NAALADL2: variants seen among roughly 807,000 people sequenced by gnomAD.
NAALADL2 encodes the protein N-acetylated alpha-linked acidic dipeptidase like 2, also known as inactive N-acetylated-alpha-linked acidic dipeptidase-like protein 2.
Under a neutral mutation model 87.2 loss-of-function variants are expected in NAALADL2, and 76 were observed. That is an observed-to-expected ratio of 0.87 (90% CI 0.72 to 1.05). The LOEUF is 1.05. Ranked by LOEUF, NAALADL2 falls within the 50% of genes least tolerant of loss-of-function variation. The probability of loss-of-function intolerance (pLI) is 0.00; values close to 1 mark genes in which losing one functional copy is unlikely to be tolerated. For missense variants in NAALADL2, 1,089 were observed against 945.8 expected (o/e 1.15, Z -1.99); for synonymous variants, 354 against 331.0 (o/e 1.07, Z -0.75).
intron 5 of NAALADL2, among the ~76,000 whole-genome samples, chr3:175,369,096 CTAA>C (rs1766093042): frequency 6.6e-6 from 1 of 152,136 alleles, no homozygotes; most frequent in African/African-American, 2.4e-5. Context: ...AGTAATTGCA[CTAA>C]TGTCACAATG....
At chr3:175,689,058 T>A (rs1736692711) in intron 11 of NAALADL2, among the ~76,000 whole-genome samples, 1 of 152,200 alleles carries the variant, frequency 6.6e-6, no homozygotes, top group Admixed American at 6.6e-5. Context: ...TTTGTGTTTG[T>A]TTTTTTAGAT....
At chr3:175,312,254 A>G (rs1445671172) in intron 4 of NAALADL2, among the ~76,000 whole-genome samples, 2 of 152,294 alleles carry the variant, frequency 1.3e-5, no homozygotes, top group South Asian at 2.1e-4. Flanking sequence ...CGTGTCCAGT[A>G]TTTTTATTTT....
chr3:175,035,621 T>C (rs1560500305), intron 1 of NAALADL2, among the ~76,000 whole-genome samples: 1 of 151,108 alleles, frequency 6.6e-6, no homozygotes, highest in South Asian at 2.1e-4. Context: ...GATATAGCAA[T>C]GAATATATAA....
chr3:175,538,939 G>A (rs917836752), intron 9 of NAALADL2, among the ~76,000 whole-genome samples: 8 of 152,156 alleles, frequency 5.3e-5, no homozygotes, highest in African/African-American at 1.7e-4. Context: ...AAAGGCAAGA[G>A]CAGGCAGAAA....
At chr3:175,077,338 G>A (rs947233807) in intron 1 of NAALADL2, among the ~76,000 whole-genome samples, 8 of 152,148 alleles carry the variant, frequency 5.3e-5, no homozygotes, top group Non-Finnish European at 8.8e-5. Context: ...GTTCTAGTCT[G>A]TGAAAGGAAA....
intron 2 of NAALADL2, among the ~76,000 whole-genome samples, chr3:175,162,862 A>T (rs187605309): frequency 4.6e-5 from 7 of 152,110 alleles, no homozygotes; most frequent in African/African-American, 1.7e-4. Flanking sequence ...TTTGAATCAA[A>T]TATTTGTGTT....
intron 1 of NAALADL2, among the ~76,000 whole-genome samples, chr3:175,070,019 G>A (rs906309627): frequency 6.8e-6 from 1 of 146,550 alleles, no homozygotes; most frequent in African/African-American, 2.5e-5. Context: ...TTGTGGGGTA[G>A]GGGGAGGGGG....
rs559052205 is a variant in NAALADL2 at position 175,534,938 on chromosome 3, G to A, written c.1654-41103G>A. Reference sequence around the variant, plus strand: ...AAAGAACATATCCTTTAAGGGCTTCGTCCATACAACGAGACCTACTTGTTC... The same window carrying A: ...AAAGAACATATCCTTTAAGGGCTTCATCCATACAACGAGACCTACTTGTTC... On this transcript the variant is annotated intron_variant, in intron 9 of 13. Transcript: ENST00000454872. 1.9e-4 allele frequency among the ~76,000 whole-genome samples: 28 copies of A among 151,032 alleles called. 1 individual carries two copies. The East Asian group carries it at 1.9e-3, about 11-fold the overall frequency.
chr3:175,092,923 A>G (rs896121447), intron 1 of NAALADL2, among the ~76,000 whole-genome samples: 1 of 151,918 alleles, frequency 6.6e-6, no homozygotes, highest in Non-Finnish European at 1.5e-5. Context: ...TATAAAACAG[A>G]CCATGTGGCA....
At chr3:174,783,611 G>T (rs1465949474) in intron 3 of NAALADL2, among the ~76,000 whole-genome samples, 1 of 151,946 alleles carries the variant, frequency 6.6e-6, no homozygotes, top group Non-Finnish European at 1.5e-5. Context: ...TCTCCACAAG[G>T]CTTTAATATA....
At chr3:175,206,921 T>A (rs1471306) in intron 2 of NAALADL2, among the ~76,000 whole-genome samples, 104,093 of 151,952 alleles carry the variant, frequency 0.69, 36,620 homozygotes, top group African/African-American at 0.83. Flanking sequence ...CTCATGATTA[T>A]TGAGAGGACA....
chr3:175,466,166 A>T (rs895066205), intron 7 of NAALADL2, among the ~76,000 whole-genome samples: 1 of 152,176 alleles, frequency 6.6e-6, no homozygotes, highest in African/African-American at 2.4e-5. Context: ...CTGGTAAAAA[A>T]ATGATATTCA....
chr3:175,186,323 G>T (rs1050841995), intron 2 of NAALADL2, among the ~76,000 whole-genome samples: 3 of 152,098 alleles, frequency 2.0e-5, no homozygotes, highest in African/African-American at 7.2e-5. Context: ...TGTCACACAG[G>T]AATCCCAGGA....
At chr3:174,626,203 G>A (rs949669088) in intron 2 of NAALADL2, among the ~76,000 whole-genome samples, 1 of 151,510 alleles carries the variant, frequency 6.6e-6, no homozygotes, top group Non-Finnish European at 1.5e-5. Flanking sequence ...GAGATTTCGG[G>A]TCAAAGGGTA....
intron 3 of NAALADL2, among the ~76,000 whole-genome samples, chr3:174,850,881 TA>T (rs149820859): frequency 5.9e-5 from 9 of 151,332 alleles, no homozygotes; most frequent in East Asian, 5.8e-4. Flanking sequence ...TGTCTTAATT[TA>T]AAAAAAAACA....
At chr3:175,729,183 T>C (rs1384239750) in intron 11 of NAALADL2, among the ~76,000 whole-genome samples, 1 of 152,204 alleles carries the variant, frequency 6.6e-6, no homozygotes, top group African/African-American at 2.4e-5. Flanking sequence ...AAAAGTGGAA[T>C]GGACTTATCT....
intron 5 of NAALADL2, among the ~76,000 whole-genome samples, chr3:175,396,458 A>T (rs571362923): frequency 2.0e-5 from 3 of 152,270 alleles, no homozygotes; most frequent in Non-Finnish European, 4.4e-5. Context: ...TTCCTTCTGG[A>T]TAATACATCC....
At chr3:175,639,542 G>A (rs1729017211) in intron 11 of NAALADL2, among the ~76,000 whole-genome samples, 2 of 151,784 alleles carry the variant, frequency 1.3e-5, no homozygotes, top group Admixed American at 1.3e-4. Context: ...GGTTGGTCTT[G>A]ATCTCCTGAC....
At chr3:174,487,580 G>A (rs2108342765) in intron 1 of NAALADL2, among the ~76,000 whole-genome samples, 1 of 152,096 alleles carries the variant, frequency 6.6e-6, no homozygotes, top group Non-Finnish European at 1.5e-5. Flanking sequence ...TAGTTTTCAT[G>A]GAAGAAGTGG....
Sources: allele counts gnomAD v4.1 joint callset (sites outside exome capture counted in the v4.1 genomes callset), GRCh38; gene constraint gnomAD v4.1.1; transcripts MANE v1.5; gene names NCBI Gene and HGNC (gene_info 2026-07-23, HGNC 2026-07-21).